MAGI2: variants seen among roughly 807,000 people sequenced by gnomAD.
MAGI2 encodes membrane-associated guanylate kinase, WW and PDZ domain-containing protein 2.
MAGI2 carries 35 observed loss-of-function variants against 133.3 expected under a neutral mutation model. The observed-to-expected ratio is 0.26, with a 90% CI of 0.20 to 0.35. The LOEUF (loss-of-function observed/expected upper bound fraction) is 0.35. Among genes scored for constraint, MAGI2 ranks in the 10% least tolerant of loss-of-function variants. The pLI is 1.00. For missense variants in MAGI2, 1,636 were observed against 1,863.4 expected (o/e 0.88, Z 2.25); for synonymous variants, 729 against 710.6 (o/e 1.03, Z -0.41).
intron 1 of MAGI2, among the ~76,000 whole-genome samples, chr7:79,022,085 C>A (rs1445211884): frequency 1.3e-5 from 2 of 152,114 alleles, no homozygotes; most frequent in African/African-American, 4.8e-5. Flanking sequence ...TGAGGCCTCT[C>A]CAGCCATGTG....
chr7:78,185,580 A>G, intron 13 of MAGI2, 49 bp downstream of exon 13: 3 of 1,424,986 alleles, frequency 2.1e-6, no homozygotes, highest in Non-Finnish European at 2.9e-6. Flanking sequence ...TGTTACACAA[A>G]ATGGAAGACG....
chr7:79,196,052 A>T (rs184527813), intron 1 of MAGI2, among the ~76,000 whole-genome samples: 2 of 152,078 alleles, frequency 1.3e-5, no homozygotes, highest in East Asian at 1.9e-4. Context: ...TTAATTTATT[A>T]TACTCTTGAA....
intron 2 of MAGI2, among the ~76,000 whole-genome samples, chr7:78,830,778 G>C (rs755706832): frequency 2.3e-4 from 35 of 152,138 alleles, no homozygotes; most frequent in Non-Finnish European, 4.0e-4. Flanking sequence ...GGGATAAAGA[G>C]TTAAGGGAAT....
At chr7:78,666,013 G>A (rs1010975414) in intron 2 of MAGI2, among the ~76,000 whole-genome samples, 3 of 152,140 alleles carry the variant, frequency 2.0e-5, no homozygotes, top group Non-Finnish European at 4.4e-5. Flanking sequence ...GGCAGTTAGA[G>A]AAAGTATGAG....
intron 6 of MAGI2, among the ~76,000 whole-genome samples, chr7:78,412,554 C>A (rs556709137): frequency 4.7e-4 from 71 of 152,070 alleles, no homozygotes; most frequent in African/African-American, 1.7e-3. Context: ...AACAACATGA[C>A]CAGCATTAGC....
chr7:78,398,417 T>C (rs181948767), intron 6 of MAGI2, among the ~76,000 whole-genome samples: 1 of 152,250 alleles, frequency 6.6e-6, no homozygotes, highest in East Asian at 1.9e-4. Context: ...CCGTCTCTTA[T>C]TGGACATATA....
chr7:79,184,111 A>C (rs1196774675), intron 1 of MAGI2, among the ~76,000 whole-genome samples: 1 of 151,770 alleles, frequency 6.6e-6, no homozygotes, highest in Non-Finnish European at 1.5e-5. Flanking sequence ...TGTATTGTGT[A>C]TTTCAAAATT....
At chr7:78,747,105 A>G (rs989033896) in intron 2 of MAGI2, among the ~76,000 whole-genome samples, 2 of 152,240 alleles carry the variant, frequency 1.3e-5, no homozygotes, top group Admixed American at 1.3e-4. Flanking sequence ...GATAATATTC[A>G]CTATGCTTAA....
At chr7:78,579,618 A>T (rs1802632591) in intron 3 of MAGI2, among the ~76,000 whole-genome samples, 1 of 152,138 alleles carries the variant, frequency 6.6e-6, no homozygotes, top group South Asian at 2.1e-4. Flanking sequence ...CCTTTTCACA[A>T]GTTGCTTCCC....
intron 1 of MAGI2, among the ~76,000 whole-genome samples, chr7:79,433,177 A>C (rs1167071553): frequency 6.6e-6 from 1 of 152,168 alleles, no homozygotes; most frequent in African/African-American, 2.4e-5. Flanking sequence ...AATAGTTATG[A>C]GGTGGGCTAG....
intron 3 of MAGI2, among the ~76,000 whole-genome samples, chr7:78,605,433 T>C (rs1379940668): frequency 6.6e-6 from 1 of 152,130 alleles, no homozygotes; most frequent in Non-Finnish European, 1.5e-5. Flanking sequence ...GTAACACTGA[T>C]TAACATGTAG....
chr7:79,014,848 C>A (rs1166879882), intron 1 of MAGI2, among the ~76,000 whole-genome samples: 2 of 152,042 alleles, frequency 1.3e-5, no homozygotes, highest in Non-Finnish European at 2.9e-5. Flanking sequence ...TTCTTAGAGT[C>A]TTGGTTTATT....
chr7:78,488,900 G>A (rs758527481), intron 6 of MAGI2, among the ~76,000 whole-genome samples: 1 of 151,958 alleles, frequency 6.6e-6, no homozygotes, highest in Non-Finnish European at 1.5e-5. Context: ...TTTGTTTAAC[G>A]TTCAAATATT....
intron 2 of MAGI2, among the ~76,000 whole-genome samples, chr7:78,965,721 A>G (rs939005168): frequency 6.6e-6 from 1 of 152,110 alleles, no homozygotes; most frequent in African/African-American, 2.4e-5. Flanking sequence ...GGTATCAAGT[A>G]CTGCTACACA....
intron 4 of MAGI2, among the ~76,000 whole-genome samples, chr7:78,511,270 A>G (rs1398038806): frequency 6.6e-6 from 1 of 151,940 alleles, no homozygotes; most frequent in Non-Finnish European, 1.5e-5. Context: ...GTAAACTTAT[A>G]TAATTGATTT....
intron 2 of MAGI2, among the ~76,000 whole-genome samples, chr7:78,987,444 T>A (rs770556203): frequency 6.6e-6 from 1 of 152,068 alleles, no homozygotes; most frequent in African/African-American, 2.4e-5. Context: ...TGGAGCCTAA[T>A]TGAAAAATAA....
intron 2 of MAGI2, among the ~76,000 whole-genome samples, chr7:78,784,343 C>A (rs37849): frequency 3.7e-4 from 57 of 152,162 alleles, no homozygotes; most frequent in Middle Eastern, 3.4e-3. Context: ...CTCTGACCTT[C>A]TCTTCCCCTC....
At chr7:79,346,016 T>C (rs1024556114) in intron 1 of MAGI2, among the ~76,000 whole-genome samples, 1 of 152,082 alleles carries the variant, frequency 6.6e-6, no homozygotes, top group Non-Finnish European at 1.5e-5. Context: ...CATTTTTCTC[T>C]TCTTAAAATT....
chr7:79,232,258 T>G (rs1831438392), intron 1 of MAGI2, among the ~76,000 whole-genome samples: 1 of 150,942 alleles, frequency 6.6e-6, no homozygotes, highest in Non-Finnish European at 1.5e-5. Context: ...AATTCTCTTT[T>G]TTGGTTGTGT....
Sources: allele counts gnomAD v4.1 joint callset (sites outside exome capture counted in the v4.1 genomes callset), GRCh38; gene constraint gnomAD v4.1.1; transcripts MANE v1.5; gene names NCBI Gene and HGNC (gene_info 2026-07-23, HGNC 2026-07-21).